SEC61A2: variants seen among roughly 807,000 people sequenced by gnomAD.
SEC61A2 encodes protein transport protein Sec61 subunit alpha isoform 2.
SEC61A2 carries 28 observed loss-of-function variants against 59.9 expected under a neutral mutation model. The observed-to-expected ratio is 0.47, with a 90% CI of 0.35 to 0.64. The LOEUF (loss-of-function observed/expected upper bound fraction) is 0.64. Ranked by LOEUF, SEC61A2 falls within the 30% of genes least tolerant of loss-of-function variation. The pLI, the probability that SEC61A2 is intolerant of heterozygous loss-of-function variation, is 0.01. For missense variants in SEC61A2, 340 were observed against 585.9 expected (o/e 0.58, Z 4.33); for synonymous variants, 202 against 214.4 (o/e 0.94, Z 0.50).
At chr10:12,169,228 C>G, downstream of SEC61A2, 1 of 1,476,054 alleles carries the variant, frequency 6.8e-7, no homozygotes, top group Non-Finnish European at 9.3e-7. The surrounding 1 kb of genome is among the most constrained non-coding windows in gnomAD (Gnocchi z 4.8). Context: ...CCTCCCCTCA[C>G]TTATTCTATT....
chr10:12,137,774 A>G (rs1588631215), intron 3 of SEC61A2, among the ~76,000 whole-genome samples: 1 of 152,138 alleles, frequency 6.6e-6, no homozygotes, highest in Non-Finnish European at 1.5e-5. Flanking sequence ...TGGCAGGCCA[A>G]AGTGGGAGGA....
At chr10:12,157,813 T>G in intron 8 of SEC61A2, 95 bp from the exon 9 acceptor site, 1 of 1,195,862 alleles carries the variant, frequency 8.4e-7, no homozygotes, top group Non-Finnish European at 1.2e-6. Context: ...CATTGTCTTT[T>G]CATCCCCCGC....
chr10:12,162,224 G>T lies in SEC61A2; in HGVS notation c.1179G>T (p.Gln393His). 6.2e-7 allele frequency: 1 copy of T among 1,613,652 alleles called. No individual in the cohort carries two copies. The highest frequency in any genetic ancestry group is 8.5e-7 in the Non-Finnish European group (1 of 1,179,702). The stretch of plus-strand genomic sequence containing the variant: ...TTTTCTCTCGGCAGGTAGCTAAACA[G>T]CTGAAAGAACAGCAGATGGTAATGA... The part of the protein sequence containing the change: ...SGSSAKDVAK[Q>H]LKEQQMVMRG... The change falls in exon 11 of 12, where the codon CAG becomes CAT. Residue 393 changes from glutamine (Q) to histidine (H), a missense_variant. Gln to His is a conservative substitution (Grantham distance 24, BLOSUM62 0). Around this residue, in one of 3 missense-constraint regions of SEC61A2, gnomAD observed 283 missense variants for 483.2 expected, o/e 0.59. Transcript: ENST00000298428. This position sits in a 1 kb window ranked among gnomAD's most constrained non-coding sequence, Gnocchi z 6.1.
intron 11 of SEC61A2, among the ~76,000 whole-genome samples, chr10:12,163,945 G>A (rs1376909907): frequency 2.0e-5 from 3 of 151,954 alleles, no homozygotes; most frequent in African/African-American, 7.3e-5. Flanking sequence ...TCCACAAGAG[G>A]GAACGAAAGG....
rs1390865470 is a variant in SEC61A2, at chr10:12,149,158, C to A, written c.221-437C>A. 2.0e-5 allele frequency among the ~76,000 whole-genome samples: 3 copies of A among 151,986 alleles called. No homozygotes were observed. The East Asian group carries it at 5.8e-4, about 29-fold the overall frequency. On this transcript the variant is annotated intron_variant, in intron 4 of 11. Transcript: ENST00000298428. The surrounding 1 kb of genome is among the most constrained non-coding windows in gnomAD (Gnocchi z 5.2). ...GGGCTGGAGTGCAGTGGCGCAATCTCGGCTTACTGCAACCTCTGCCTTCCA... is the reference window on the plus strand; with the variant it reads ...GGGCTGGAGTGCAGTGGCGCAATCTAGGCTTACTGCAACCTCTGCCTTCCA...
Position 12,164,472 on chromosome 10 carries a change from T to C in SEC61A2, c.*18T>C, listed in dbSNP as rs769378908. ...TTTTCTAAATGTTCAAATATTTCAT[T>C]TTGTGCGTGTGAAAGGGAAAACACT... On this transcript the variant is annotated 3_prime_UTR_variant, in exon 12 of 12. Transcript: ENST00000298428. This position sits in a 1 kb window ranked among gnomAD's most constrained non-coding sequence, Gnocchi z 7.3. 32 of 1,606,902 alleles carry C rather than the reference T, an allele frequency of 2.0e-5. No individual in the cohort carries two copies. Among genetic ancestry groups the C allele is most frequent in the Non-Finnish European group, 2.7e-5 (32 of 1,175,822 alleles).
chr10:12,154,015 A>C lies in SEC61A2; in HGVS notation c.463-1763A>C, dbSNP rs116912060. Reference sequence around the variant, plus strand: ...GTAAGTATGTTTTGACATACTGAACAAAAGATAGTTTGACAAAACTAAGTT... The same window carrying C: ...GTAAGTATGTTTTGACATACTGAACCAAAGATAGTTTGACAAAACTAAGTT... On this transcript the variant is annotated intron_variant, in intron 6 of 11. Coordinates refer to ENST00000298428, the MANE Select transcript of SEC61A2 (RefSeq NM_018144.4). The surrounding 1 kb of genome is among the most constrained non-coding windows in gnomAD (Gnocchi z 5.2). Among the ~76,000 whole-genome samples, 482 of 152,352 alleles carry C rather than the reference A, an allele frequency of 3.2e-3. 3 individuals carry two copies. Among genetic ancestry groups the C allele is most frequent in the Admixed American group, 6.4e-3 (98 of 15,292 alleles).
intron 1 of SEC61A2, chr10:12,130,789 T>G (rs553692085): frequency 7.1e-5 from 11 of 154,104 alleles, no homozygotes; most frequent in South Asian, 4.1e-4. Flanking sequence ...TTTCAATTAC[T>G]TCTCAAAAAC....
intron 1 of SEC61A2, among the ~76,000 whole-genome samples, chr10:12,132,160 G>C (rs900793806): frequency 6.6e-6 from 1 of 151,210 alleles, no homozygotes; most frequent in African/African-American, 2.4e-5. Flanking sequence ...AATTAGCCAG[G>C]CATGGTACCG....
rs1229747839 is a variant in SEC61A2 at position 12,152,170 on chromosome 10, G to A, written c.462+2209G>A. ...GCAATCTTGGCTCACTGCAACCTCC[G>A]CCTCCCAGGTTCAAGCAATTCTGCC... On this transcript the variant is annotated intron_variant, in intron 6 of 11. Transcript: ENST00000298428. This position sits in a 1 kb window ranked among gnomAD's most constrained non-coding sequence, Gnocchi z 5.5. 2.0e-5 allele frequency among the ~76,000 whole-genome samples: 3 copies of A among 150,966 alleles called. No homozygotes were observed. The highest frequency in any genetic ancestry group is 4.4e-5 in the Non-Finnish European group (3 of 67,840).
At chr10:12,134,616 A>G (rs1833841745) in intron 2 of SEC61A2, among the ~76,000 whole-genome samples, 1 of 152,092 alleles carries the variant, frequency 6.6e-6, no homozygotes, top group Non-Finnish European at 1.5e-5. Flanking sequence ...GCTGCTACTG[A>G]GGTGAAAGGG....
At chr10:12,144,145 A>AT (rs997294561) in intron 4 of SEC61A2, among the ~76,000 whole-genome samples, 26 of 151,360 alleles carry the variant, frequency 1.7e-4, no homozygotes, top group South Asian at 2.1e-4. Flanking sequence ...TCGATGGCAG[A>AT]TTTTTTTTTG....
downstream of SEC61A2, chr10:12,167,929 G>A (rs1834746394): frequency 6.2e-6 from 9 of 1,456,898 alleles, no homozygotes; most frequent in Middle Eastern, 1.8e-4. Flanking sequence ...CTAGATGCTG[G>A]TGATAACGTT....
intron 3 of SEC61A2, among the ~76,000 whole-genome samples, chr10:12,138,310 A>T (rs1466657185): frequency 2.0e-5 from 3 of 152,180 alleles, no homozygotes; most frequent in Admixed American, 2.0e-4. Context: ...AAGAATAGTC[A>T]TCCATATTTC....
At position 12,158,242 on chromosome 10, in the gene SEC61A2, T is replaced by C; in HGVS notation, c.975+137T>C. On this transcript the variant is annotated intron_variant, in intron 9 of 11. Transcript: ENST00000298428. This position sits in a 1 kb window ranked among gnomAD's most constrained non-coding sequence, Gnocchi z 5.7. ...CACTTACCTATATAGCAGAGTTTAG[T>C]ACTTATCTGGAAGAACTGGTAAGTG... 1 of 695,146 alleles carries C rather than the reference T, an allele frequency of 1.4e-6. No homozygotes were observed. Among genetic ancestry groups the C allele is most frequent in the Admixed American group, 3.0e-5 (1 of 33,306 alleles). 43.1% of individuals were successfully genotyped at this position (695,146 alleles called of 1,614,324 possible). A position where few individuals can be genotyped will look rare whatever the true frequency, so the allele number is the denominator to read the frequency against.
rs1047598389 is a variant in SEC61A2, at chr10:12,165,260, G to A, written c.*806G>A. The stretch of plus-strand genomic sequence containing the variant: ...TCAAGCAATGTCTGTAGTTCAGTGG[G>A]GGTGAACAATGAATATATTCATGCT... On this transcript the variant is annotated 3_prime_UTR_variant, in exon 12 of 12. Coordinates refer to ENST00000298428, the MANE Select transcript of SEC61A2 (RefSeq NM_018144.4). 4.1e-6 allele frequency: 4 copies of A among 985,380 alleles called. No individual in the cohort carries two copies. The highest frequency in any genetic ancestry group is 3.5e-5 in the African/African-American group (2 of 57,332). The allele number at this position is 985,380 out of a possible 1,614,324, so 61.0% of individuals were successfully genotyped here.
At chr10:12,169,736 T>A (rs1046689533), downstream of SEC61A2, 5 of 223,126 alleles carry the variant, frequency 2.2e-5, no homozygotes, top group South Asian at 4.1e-4. The surrounding 1 kb of genome is among the most constrained non-coding windows in gnomAD (Gnocchi z 4.8). Flanking sequence ...AAAGACACAT[T>A]CAGATTTTCA....
At chr10:12,139,738 C>T (rs943007799) in intron 3 of SEC61A2, among the ~76,000 whole-genome samples, 11 of 152,116 alleles carry the variant, frequency 7.2e-5, no homozygotes, top group East Asian at 1.9e-4. Flanking sequence ...GAGCTGAGAT[C>T]GAGCCACTGC....
At chr10:12,169,336 C>G (rs1259966004), downstream of SEC61A2, 1 of 1,542,378 alleles carries the variant, frequency 6.5e-7, no homozygotes, top group Admixed American at 2.0e-5. The surrounding 1 kb of genome is among the most constrained non-coding windows in gnomAD (Gnocchi z 4.8). Flanking sequence ...AAAAGATAAC[C>G]CCGCACGGCA....
Sources: allele counts gnomAD v4.1 joint callset (sites outside exome capture counted in the v4.1 genomes callset), GRCh38; gene constraint gnomAD v4.1.1; regional missense constraint gnomAD v4.1.1; non-coding constraint Gnocchi (gnomAD v3.1); transcripts MANE v1.5; gene names NCBI Gene and HGNC (gene_info 2026-07-23, HGNC 2026-07-21).